SHTN1: variants seen among roughly 807,000 people sequenced by gnomAD.
SHTN1 encodes shootin-1.
In SHTN1, 42 loss-of-function variants were observed where a neutral mutation model predicts 83.1. The ratio of observed to expected loss-of-function variants is 0.51; its 90% confidence interval spans 0.39 to 0.65. The LOEUF is 0.65. Among genes scored for constraint, SHTN1 ranks in the 30% least tolerant of loss-of-function variants. SHTN1 has a pLI of 0.00. For synonymous variants in SHTN1, 224 were observed against 247.7 expected (o/e 0.90, Z 0.90); for missense variants, 622 against 737.8 (o/e 0.84, Z 1.82).
At chr10:117,074,253 A>G (rs962296833) in intron 1 of SHTN1, among the ~76,000 whole-genome samples, 2 of 152,166 alleles carry the variant, frequency 1.3e-5, no homozygotes, top group Non-Finnish European at 2.9e-5. Flanking sequence ...AAATTTTAAT[A>G]AAGCACATGT....
chr10:116,910,352 G>C (rs1025439720), intron 14 of SHTN1, among the ~76,000 whole-genome samples: 5 of 152,202 alleles, frequency 3.3e-5, no homozygotes, highest in Non-Finnish European at 4.4e-5. Context: ...TCCAAGGCAA[G>C]AAGGATGGGG....
chr10:116,946,480 AAATAT>A, intron 7 of SHTN1, among the ~76,000 whole-genome samples: 2 of 145,156 alleles, frequency 1.4e-5, no homozygotes, highest in Non-Finnish European at 3.0e-5. Context: ...TATAAAATGT[AAATAT>A]TTTATATATA....
In SHTN1 at chr10:116,960,250, A is replaced by G; in HGVS notation, c.173-20T>C. ...GAGAAACTAGGAATGAGGGGGAAAAAAAATCTCAGCATTCAAAGATTAGTC... is the reference window on the plus strand; with the variant it reads ...GAGAAACTAGGAATGAGGGGGAAAAGAAATCTCAGCATTCAAAGATTAGTC... On this transcript the variant is annotated intron_variant, in intron 3 of 16. Transcript: ENST00000355371. 7.3e-7 allele frequency: 1 copy of G among 1,363,058 alleles called. No homozygotes were observed. Among genetic ancestry groups the G allele is most frequent in the Non-Finnish European group, 1.0e-6 (1 of 953,698 alleles). The allele number at this position is 1,363,058 out of a possible 1,614,324, so 84.4% of individuals were successfully genotyped here.
intron 3 of SHTN1, among the ~76,000 whole-genome samples, chr10:116,963,166 G>A (rs1249738087): frequency 7.3e-6 from 1 of 136,078 alleles, no homozygotes; most frequent in Non-Finnish European, 1.5e-5. Flanking sequence ...CCGCCTCCCG[G>A]GTTCACGCCA....
chr10:116,987,104 C>A (rs1353819346), intron 1 of SHTN1, among the ~76,000 whole-genome samples: 1 of 152,020 alleles, frequency 6.6e-6, no homozygotes, highest in African/African-American at 2.4e-5. Context: ...AATGTCTGTC[C>A]TCAAGAGAAA....
chr10:116,945,477 A>G (rs1849542412), intron 7 of SHTN1, among the ~76,000 whole-genome samples: 1 of 152,216 alleles, frequency 6.6e-6, no homozygotes, highest in Admixed American at 6.5e-5. Flanking sequence ...AAATTAGTGC[A>G]AAGTGAATTC....
chr10:117,032,426 A>C (rs1852431728), intron 2 of SHTN1, among the ~76,000 whole-genome samples: 1 of 152,048 alleles, frequency 6.6e-6, no homozygotes, highest in South Asian at 2.1e-4. Context: ...GGATGGTCTC[A>C]ATCTCCTGAC....
At chr10:117,081,165 G>A (rs1853255670) in intron 1 of SHTN1, among the ~76,000 whole-genome samples, 1 of 149,028 alleles carries the variant, frequency 6.7e-6, no homozygotes, top group Non-Finnish European at 1.5e-5. Context: ...GATATTGGCT[G>A]TGGGTTTGTC....
In SHTN1 at chr10:116,944,876, C is replaced by T. The variant is rs368077003; in HGVS notation, c.711+48G>A. On this transcript the variant is annotated intron_variant, in intron 8 of 16. Transcript: ENST00000355371. ...ACTGCACTCCAGCCTGGTGACAGAG[C>T]GAGACTCTGTCTCAAGAAAAAAAAT... 547 of 1,198,462 alleles carry T rather than the reference C, an allele frequency of 4.6e-4. 2 individuals carry two copies. The highest frequency in any genetic ancestry group is 4.1e-4 in the South Asian group (34 of 82,224). The allele number at this position is 1,198,462 out of a possible 1,614,324, so 74.2% of individuals were successfully genotyped here.
intron 1 of SHTN1, among the ~76,000 whole-genome samples, chr10:117,059,416 T>G (rs1852869610): frequency 6.6e-6 from 1 of 152,200 alleles, no homozygotes; most frequent in African/African-American, 2.4e-5. Context: ...CAAAAACCTG[T>G]ACACAAATGT....
intron 2 of SHTN1, among the ~76,000 whole-genome samples, chr10:116,970,716 A>C (rs1288856655): frequency 6.6e-6 from 1 of 151,990 alleles, no homozygotes; most frequent in Non-Finnish European, 1.5e-5. Context: ...TACTCTCAAA[A>C]AAAAAAAAAA....
intron 1 of SHTN1, among the ~76,000 whole-genome samples, chr10:117,004,776 G>A (rs1016122969): frequency 1.1e-4 from 17 of 152,226 alleles, no homozygotes; most frequent in African/African-American, 3.6e-4. Context: ...AACGCAACCA[G>A]CGGGCAGCGG....
At chr10:116,961,466 C>T (rs540430772) in intron 3 of SHTN1, among the ~76,000 whole-genome samples, 1 of 151,984 alleles carries the variant, frequency 6.6e-6, no homozygotes, top group East Asian at 1.9e-4. Flanking sequence ...TTGCAGTCAC[C>T]GAGAAAAACA....
At chr10:116,940,421 A>G in intron 9 of SHTN1, 45 bp downstream of exon 9, 5 of 1,587,238 alleles carry the variant, frequency 3.2e-6, no homozygotes, top group Non-Finnish European at 4.3e-6. Context: ...GTGTGTATGC[A>G]TGTATGTGTG....
Position 116,975,721 on chromosome 10 carries a change from T to G in SHTN1, c.111+3535A>C, listed in dbSNP as rs189329182. On this transcript the variant is annotated intron_variant, in intron 2 of 16. Transcript: ENST00000355371. ...CTGCAAAAAAAAGAGAAAATATCCA[T>G]CAAAACATGGGTCCACTCCCCCTGC... is the stretch of plus-strand genomic sequence containing the variant. Among the ~76,000 whole-genome samples the G allele has an allele frequency of 2.1e-3, 316 of 151,926 alleles. 1 individual carries two copies. Among genetic ancestry groups the G allele is most frequent in the African/African-American group, 7.4e-3 (305 of 41,482 alleles).
upstream of SHTN1, among the ~76,000 whole-genome samples, chr10:117,009,741 A>G (rs1013129469): frequency 2.6e-5 from 4 of 151,896 alleles, no homozygotes; most frequent in African/African-American, 4.8e-5. Context: ...CGTCTCTACT[A>G]AAAATACAAA....
At chr10:116,939,114 G>A (rs1424692875) in intron 9 of SHTN1, among the ~76,000 whole-genome samples, 1 of 152,186 alleles carries the variant, frequency 6.6e-6, no homozygotes, top group Non-Finnish European at 1.5e-5. Context: ...CGTGGGGGTG[G>A]GATCTGCTGG....
chr10:116,902,123 G>A (rs549305329), intron 15 of SHTN1, among the ~76,000 whole-genome samples, 166 bp from the exon 16 acceptor site: 3 of 152,242 alleles, frequency 2.0e-5, no homozygotes, highest in Non-Finnish European at 2.9e-5. Context: ...CTCTGCTTTC[G>A]TGGTACTACT....
At chr10:116,978,558 G>T (rs1282213847) in intron 2 of SHTN1, among the ~76,000 whole-genome samples, 1 of 151,158 alleles carries the variant, frequency 6.6e-6, no homozygotes, top group African/African-American at 2.4e-5. Flanking sequence ...ACCTTAGTCT[G>T]TTCTTCCATT....
Sources: allele counts gnomAD v4.1 joint callset (sites outside exome capture counted in the v4.1 genomes callset), GRCh38; gene constraint gnomAD v4.1.1; transcripts MANE v1.5; gene names NCBI Gene and HGNC (gene_info 2026-07-23, HGNC 2026-07-21).